ARNT2: variants seen among roughly 807,000 people sequenced by gnomAD.
The protein encoded by ARNT2 is ARNT protein 2.
ARNT2 carries 36 observed loss-of-function variants against 91.7 expected under a neutral mutation model. That is an observed-to-expected ratio of 0.39 (90% CI 0.30 to 0.52). The LOEUF is 0.52. Ranked by LOEUF, ARNT2 falls within the 20% of genes least tolerant of loss-of-function variation. The pLI is 0.72. For missense variants in ARNT2, 775 were observed against 939.3 expected (o/e 0.83, Z 2.29); for synonymous variants, 365 against 347.1 (o/e 1.05, Z -0.57).
At chr15:80,476,546 A>G (rs906455943) in intron 5 of ARNT2, among the ~76,000 whole-genome samples, 5 of 152,204 alleles carry the variant, frequency 3.3e-5, no homozygotes, top group Non-Finnish European at 7.4e-5. Context: ...CTCCCTGACC[A>G]TATTGTGAGC....
rs1893330832 is a variant in ARNT2 at position 80,593,931 on chromosome 15, T to C, written c.*233T>C. The stretch of plus-strand genomic sequence containing the variant: ...GACATTAGGGGATCAGTTGTATTTA[T>C]TGTATTTTATCTGTGTGTGCTCAGG... On this transcript the variant is annotated 3_prime_UTR_variant, in exon 19 of 19. Transcript: ENST00000303329. 1 of 541,370 alleles carries C rather than the reference T, an allele frequency of 1.8e-6. No individual in the cohort carries two copies. The highest frequency in any genetic ancestry group is 3.3e-6 in the Non-Finnish European group (1 of 303,150). 33.5% of individuals were successfully genotyped at this position (541,370 alleles called of 1,614,324 possible).
At chr15:80,413,362 A>G (rs921046484) in intron 1 of ARNT2, among the ~76,000 whole-genome samples, 3 of 152,046 alleles carry the variant, frequency 2.0e-5, no homozygotes, top group African/African-American at 7.2e-5. Context: ...ACATCCTCCT[A>G]GGATTGACCT....
intron 8 of ARNT2, among the ~76,000 whole-genome samples, chr15:80,535,813 G>A (rs562106547): frequency 1.1e-3 from 165 of 151,356 alleles, no homozygotes; most frequent in South Asian, 5.8e-3. Flanking sequence ...CATTACAAAC[G>A]CAGAGCTTTC....
intron 1 of ARNT2, among the ~76,000 whole-genome samples, chr15:80,416,646 T>G (rs905936404): frequency 2.0e-5 from 3 of 150,692 alleles, no homozygotes; most frequent in Non-Finnish European, 4.4e-5. Flanking sequence ...TTGTTTGTTT[T>G]TTTCTTTCAT....
rs78270385 is a variant in ARNT2, at chr15:80,491,712, G to A, written c.623-16444G>A. ...GATATTTTGGGGAGTGAGGTTGGGAGGATCCAAGAAGAGAAGAAATTAATA... is the reference window on the plus strand; with the variant it reads ...GATATTTTGGGGAGTGAGGTTGGGAAGATCCAAGAAGAGAAGAAATTAATA... On this transcript the variant is annotated intron_variant, in intron 5 of 18. Coordinates refer to ENST00000303329, the MANE Select transcript of ARNT2 (RefSeq NM_014862.4). Among the ~76,000 whole-genome samples the A allele has an allele frequency of 1.5e-3, 228 of 151,820 alleles. 3 individuals carry two copies. In the East Asian group the frequency reaches 0.019, roughly 12 times the overall value.
chr15:80,514,489 T>C (rs545793747), intron 8 of ARNT2, 84 bp downstream of exon 8: 14 of 1,095,878 alleles, frequency 1.3e-5, no homozygotes, highest in Non-Finnish European at 1.9e-5. Flanking sequence ...AGTATTCTCA[T>C]AGGAATAGGT....
At chr15:80,502,218 G>A (rs767628527) in intron 5 of ARNT2, among the ~76,000 whole-genome samples, 1 of 152,210 alleles carries the variant, frequency 6.6e-6, no homozygotes, top group Non-Finnish European at 1.5e-5. Context: ...GTGGTCCTGG[G>A]GGCTGTTTGA....
At chr15:80,472,296 T>C (rs1167648892) in intron 4 of ARNT2, among the ~76,000 whole-genome samples, 2 of 151,992 alleles carry the variant, frequency 1.3e-5, no homozygotes, top group African/African-American at 4.8e-5. Flanking sequence ...ACAGAGACAG[T>C]ATTGGCATAG....
intron 12 of ARNT2, among the ~76,000 whole-genome samples, chr15:80,570,711 G>T (rs1022239421): frequency 1.3e-5 from 2 of 152,154 alleles, no homozygotes; most frequent in Non-Finnish European, 1.5e-5. Flanking sequence ...ATAGAACCTT[G>T]TTCTTCCTGA....
chr15:80,585,047 T>A (rs1445165176), intron 17 of ARNT2, among the ~76,000 whole-genome samples: 2 of 152,254 alleles, frequency 1.3e-5, no homozygotes, highest in African/African-American at 4.8e-5. Flanking sequence ...CGCCCCTGCC[T>A]GGGTCTCAGC....
At chr15:80,417,530 TC>T (rs1175410985) in intron 1 of ARNT2, among the ~76,000 whole-genome samples, 3 of 145,212 alleles carry the variant, frequency 2.1e-5, no homozygotes, top group African/African-American at 7.7e-5. Flanking sequence ...CTTCTTCTCC[TC>T]CCTCCTCCTT....
chr15:80,459,181 G>A (rs1004330478), intron 3 of ARNT2, among the ~76,000 whole-genome samples: 7 of 152,110 alleles, frequency 4.6e-5, no homozygotes, highest in Non-Finnish European at 8.8e-5. Flanking sequence ...TTTTCCTTCC[G>A]TCTTTCAGCT....
At chr15:80,464,041 A>T (rs1896609536) in intron 3 of ARNT2, among the ~76,000 whole-genome samples, 1 of 152,152 alleles carries the variant, frequency 6.6e-6, no homozygotes, top group Non-Finnish European at 1.5e-5. Flanking sequence ...GAGAGAGAGG[A>T]GGAAATCACT....
intron 1 of ARNT2, among the ~76,000 whole-genome samples, chr15:80,432,044 T>C (rs573058439): frequency 3.9e-5 from 6 of 152,382 alleles, no homozygotes; most frequent in Non-Finnish European, 8.8e-5. Context: ...GTGAAAGTTT[T>C]TCTCCACGGA....
At chr15:80,526,491 G>A (rs1025062707) in intron 8 of ARNT2, among the ~76,000 whole-genome samples, 1 of 152,162 alleles carries the variant, frequency 6.6e-6, no homozygotes, top group African/African-American at 2.4e-5. Flanking sequence ...ACCATCGTCC[G>A]ACCTGCCTGG....
At chr15:80,544,021 G>A (rs1199355441) in intron 8 of ARNT2, among the ~76,000 whole-genome samples, 1 of 152,156 alleles carries the variant, frequency 6.6e-6, no homozygotes, top group Non-Finnish European at 1.5e-5. Flanking sequence ...GATTACAGGT[G>A]TGAGCCACCA....
intron 5 of ARNT2, among the ~76,000 whole-genome samples, chr15:80,477,602 A>G (rs983842536): frequency 6.6e-6 from 1 of 152,182 alleles, no homozygotes; most frequent in Non-Finnish European, 1.5e-5. Context: ...AATTATAACC[A>G]GCCTAAGTGT....
Position 80,441,345 on chromosome 15 carries a change from G to A in ARNT2, c.32-9535G>A, listed in dbSNP as rs115096090. The A allele has an allele frequency of 9.5e-4, 934 of 985,380 alleles. 12 individuals are homozygous for A. In the African/African-American group the frequency reaches 0.015, roughly 16 times the overall value. 61.0% of individuals were successfully genotyped at this position (985,380 alleles called of 1,614,324 possible). A position where few individuals can be genotyped will look rare whatever the true frequency, so the allele number is the denominator to read the frequency against. ...TCTCCTAAGAAGGTGTTGGTCACAA[G>A]GAAGAAAGATCTTTGTTTAATCCCT... On this transcript the variant is annotated intron_variant, in intron 1 of 18. Transcript: ENST00000303329.
chr15:80,554,965 T>G, intron 10 of ARNT2, 100 bp from the exon 11 acceptor site: 12 of 1,285,786 alleles, frequency 9.3e-6, no homozygotes, highest in South Asian at 3.8e-5. Flanking sequence ...CTAAAGGAGA[T>G]GAGTTAAAGG....
Sources: gnomAD v4.1 joint callset for allele counts (sites outside exome capture counted in the v4.1 genomes callset) on GRCh38, gnomAD v4.1.1 for gene constraint, MANE v1.5 for transcripts, NCBI Gene and HGNC (gene_info 2026-07-23, HGNC 2026-07-21) for gene names.